FKBP1B: variants seen among roughly 807,000 people sequenced by gnomAD.
The protein encoded by FKBP1B is FKBP prolyl isomerase 1B, also known as peptidyl-prolyl cis-trans isomerase FKBP1B.
In FKBP1B, 4 loss-of-function variants were observed where a neutral mutation model predicts 13.5. The observed-to-expected ratio is 0.30, with a 90% confidence interval of 0.15 to 0.68. The LOEUF is 0.68. FKBP1B is among the 30% of genes least tolerant of loss of function. The pLI is 0.76. For missense variants in FKBP1B, 93 were observed against 136.2 expected (o/e 0.68, Z 1.58); for synonymous variants, 54 against 53.6 (o/e 1.01, Z -0.03).
chr2:24,039,476 T>G, the FKBP1B span: 253 of 1,611,858 alleles, frequency 1.6e-4, no homozygotes, highest in Middle Eastern at 2.1e-3. Flanking sequence ...CTGAGTAGTT[T>G]TCCTTTTCCC....
the FKBP1B span, among the ~76,000 whole-genome samples, chr2:24,034,625 G>A: frequency 2.0e-5 from 3 of 148,220 alleles, no homozygotes; most frequent in South Asian, 2.1e-4. Context: ...CCAGGCTGGC[G>A]TGCAGTGGCA....
the FKBP1B span, among the ~76,000 whole-genome samples, chr2:24,036,065 A>AAAAT: frequency 0.12 from 16,698 of 140,308 alleles, 1,837 homozygotes; most frequent in African/African-American, 0.29. Context: ...CTCCGTCTCA[A>AAAAT]AAATAAATAA....
the FKBP1B span, chr2:24,038,132 A>G: frequency 6.2e-7 from 1 of 1,614,084 alleles, no homozygotes; most frequent in East Asian, 2.2e-5. Flanking sequence ...GCTTTATTTA[A>G]CGGAGCACTG....
the FKBP1B span, among the ~76,000 whole-genome samples, chr2:24,042,575 G>GGC: frequency 6.6e-6 from 1 of 150,956 alleles, no homozygotes; most frequent in Admixed American, 6.6e-5. Context: ...TGGCTGTGGT[G>GGC]GCGCATGCCT....
intron 2 of FKBP1B, among the ~76,000 whole-genome samples, chr2:24,057,574 T>C (rs1664189269): frequency 1.3e-5 from 2 of 152,120 alleles, no homozygotes; most frequent in Non-Finnish European, 2.9e-5. Context: ...GGTTTCTCCA[T>C]GTTGGTCAGG....
intron 3 of FKBP1B, among the ~76,000 whole-genome samples, chr2:24,062,398 C>G (rs950771332): frequency 1.3e-5 from 2 of 152,104 alleles, no homozygotes; most frequent in African/African-American, 2.4e-5. Flanking sequence ...AGGCTGCTCT[C>G]GAACTCCTGA....
At chr2:24,045,886 C>T (rs1325493921), upstream of FKBP1B, 1 of 152,082 alleles carries the variant, frequency 6.6e-6, no homozygotes, top group Non-Finnish European at 1.5e-5. Flanking sequence ...CAGAGCGTAG[C>T]ATGGCCCCTG....
At chr2:24,042,638 G>A in the FKBP1B span, among the ~76,000 whole-genome samples, 1 of 151,622 alleles carries the variant, frequency 6.6e-6, no homozygotes. Flanking sequence ...GAACCCGGGA[G>A]GTGGAGGTTG....
chr2:24,061,412 C>A (rs552710366), intron 3 of FKBP1B, among the ~76,000 whole-genome samples: 9 of 152,212 alleles, frequency 5.9e-5, no homozygotes, highest in African/African-American at 2.2e-4. Context: ...AGAGATTGTG[C>A]CACTGTACTC....
At chr2:24,049,198 A>T (rs1336492567), upstream of FKBP1B, among the ~76,000 whole-genome samples, 2 of 152,126 alleles carry the variant, frequency 1.3e-5, no homozygotes, top group Non-Finnish European at 2.9e-5. Context: ...TACAAAAAAT[A>T]AAAATAAAAA....
intron 1 of FKBP1B, among the ~76,000 whole-genome samples, chr2:24,053,533 A>G (rs1427528292): frequency 6.6e-6 from 1 of 151,754 alleles, no homozygotes; most frequent in Non-Finnish European, 1.5e-5. Flanking sequence ...TACCTTCCTC[A>G]TGAGTTCATA....
chr2:24,046,356 T>C (rs1663625296), upstream of FKBP1B, among the ~76,000 whole-genome samples: 1 of 152,280 alleles, frequency 6.6e-6, no homozygotes, highest in South Asian at 2.1e-4. Flanking sequence ...TCCCCAACGC[T>C]ACTGATTTTG....
At chr2:24,039,900 C>T in the FKBP1B span, among the ~76,000 whole-genome samples, 3 of 151,962 alleles carry the variant, frequency 2.0e-5, no homozygotes, top group Admixed American at 6.6e-5. Flanking sequence ...TGGGTTCAAG[C>T]GATTCTTCTG....
intron 2 of FKBP1B, among the ~76,000 whole-genome samples, chr2:24,059,379 G>GGC (rs569371354): frequency 7.2e-4 from 109 of 151,966 alleles, no homozygotes; most frequent in Non-Finnish European, 1.4e-3. Context: ...ACCTGGGGGG[G>GGC]GGTTCTGGTT....
At chr2:24,051,049 CTCT>C (rs1663844636) in intron 1 of FKBP1B, among the ~76,000 whole-genome samples, 1 of 152,170 alleles carries the variant, frequency 6.6e-6, no homozygotes, top group East Asian at 1.9e-4. Flanking sequence ...AGCCTGAAGA[CTCT>C]TCTTAAAATG....
upstream of FKBP1B, among the ~76,000 whole-genome samples, chr2:24,046,967 A>T (rs1160571305): frequency 1.3e-5 from 2 of 152,130 alleles, no homozygotes; most frequent in African/African-American, 4.8e-5. Flanking sequence ...AATGTACTGA[A>T]CTGCTCCTAG....
intron 1 of FKBP1B, among the ~76,000 whole-genome samples, chr2:24,051,325 C>G (rs1268490932): frequency 2.8e-5 from 4 of 145,438 alleles, no homozygotes; most frequent in Non-Finnish European, 4.5e-5. Context: ...CAGAGCAAGA[C>G]TCTATCTCAA....
intron 2 of FKBP1B, among the ~76,000 whole-genome samples, chr2:24,055,345 G>A (rs1340145550): frequency 6.6e-6 from 1 of 152,024 alleles, no homozygotes; most frequent in Non-Finnish European, 1.5e-5. Context: ...TGACTAGCTG[G>A]GACCACAGAC....
rs889233223 is a variant in FKBP1B at position 24,063,460 on chromosome 2, C to T, written c.*268C>T. 13 of 382,350 alleles carry T rather than the reference C, an allele frequency of 3.4e-5. No individual in the cohort carries two copies. The highest frequency in any genetic ancestry group is 6.7e-5 in the South Asian group (1 of 14,922). The allele number at this position is 382,350 out of a possible 1,614,324, so 23.7% of individuals were successfully genotyped here. On this transcript the variant is annotated 3_prime_UTR_variant, in exon 4 of 4. Coordinates refer to ENST00000380986, the MANE Select transcript of FKBP1B (RefSeq NM_004116.5). Reference sequence around the variant, plus strand: ...TGCATGTAGTAGCCTTTCCTGATGACAGAACACAGATCTCTTGTTCGCACA... The same window carrying T: ...TGCATGTAGTAGCCTTTCCTGATGATAGAACACAGATCTCTTGTTCGCACA...
Sources: gnomAD v4.1 joint callset for allele counts (sites outside exome capture counted in the v4.1 genomes callset) on GRCh38, gnomAD v4.1.1 for gene constraint, MANE v1.5 for transcripts, NCBI Gene and HGNC (gene_info 2026-07-23, HGNC 2026-07-21) for gene names.